Variants in RBFOX1 observed in about 807,000 individuals in gnomAD.
The protein encoded by RBFOX1 is RNA binding protein fox-1 homolog 1.
RBFOX1 carries 8 observed loss-of-function variants against 57.7 expected under a neutral mutation model. The ratio of observed to expected loss-of-function variants is 0.14; its 90% CI spans 0.08 to 0.25. RBFOX1 has a LOEUF of 0.25. RBFOX1 is among the 10% of genes least tolerant of loss of function. The pLI is 1.00. For missense variants in RBFOX1, 611 were observed against 548.5 expected (o/e 1.11, Z -1.14); for synonymous variants, 326 against 222.4 (o/e 1.47, Z -4.15).
chr16:7,659,451 A>C (rs2067141483), intron 12 of RBFOX1, among the ~76,000 whole-genome samples: 1 of 152,218 alleles, frequency 6.6e-6, no homozygotes, highest in Admixed American at 6.5e-5. Flanking sequence ...TACTAGGAAC[A>C]AAAGTCATCA....
intron 2 of RBFOX1, among the ~76,000 whole-genome samples, chr16:6,450,831 A>ACATG (rs1567303735): frequency 6.4e-4 from 22 of 34,472 alleles, no homozygotes; most frequent in South Asian, 1.6e-3. Context: ...ATATATATAT[A>ACATG]TATATGTGTA....
chr16:5,673,905 C>G (rs2050089336), intron 3 of RBFOX1, among the ~76,000 whole-genome samples: 1 of 152,224 alleles, frequency 6.6e-6, no homozygotes, highest in African/African-American at 2.4e-5. Context: ...TTCTCTTCTG[C>G]ATCAAGGCTG....
intron 3 of RBFOX1, among the ~76,000 whole-genome samples, chr16:6,895,428 GTGTGTGTGTGTGTGTGTGTGTATA>G (rs2066538771): frequency 1.6e-5 from 1 of 62,598 alleles, no homozygotes; most frequent in Non-Finnish European, 3.6e-5. Context: ...ATGTGTGTGT[GTGTGTGTGTGTGTGTGTGTGTATA>G]TATATATATA....
At chr16:7,084,847 C>T (rs904640926) in intron 4 of RBFOX1, among the ~76,000 whole-genome samples, 1 of 152,058 alleles carries the variant, frequency 6.6e-6, no homozygotes, top group Non-Finnish European at 1.5e-5. Context: ...GTCTGTCTGT[C>T]TGTCTTTCTG....
chr16:6,940,877 G>GTGTGTT (rs1567987785), intron 3 of RBFOX1, among the ~76,000 whole-genome samples: 2 of 142,050 alleles, frequency 1.4e-5, no homozygotes. Context: ...GTGTGTGTGT[G>GTGTGTT]TGTGTGTGTG....
chr16:7,430,063 C>A (rs544297397), intron 4 of RBFOX1, among the ~76,000 whole-genome samples: 3 of 152,182 alleles, frequency 2.0e-5, no homozygotes, highest in Admixed American at 6.5e-5. Flanking sequence ...AGAGTACATG[C>A]TCAAAACAAA....
At chr16:7,053,283 T>C (rs1026916372) in intron 4 of RBFOX1, among the ~76,000 whole-genome samples, 2 of 152,212 alleles carry the variant, frequency 1.3e-5, no homozygotes, top group Admixed American at 6.5e-5. Context: ...TATCTCAGTA[T>C]GGCCCTCTCT....
chr16:5,312,628 T>C (rs1459901214), intron 1 of RBFOX1, among the ~76,000 whole-genome samples: 1 of 152,178 alleles, frequency 6.6e-6, no homozygotes, highest in African/African-American at 2.4e-5. Context: ...TGTCTTAAAT[T>C]ATAGATGATA....
Position 6,569,904 on chromosome 16 carries a change from G to A in RBFOX1, c.-63-84699G>A, listed in dbSNP as rs565636580. 8.5e-4 allele frequency among the ~76,000 whole-genome samples: 129 copies of A among 152,240 alleles called. 1 individual carries two copies. Among genetic ancestry groups the A allele is most frequent in the Non-Finnish European group, 1.7e-3 (114 of 68,008 alleles). Reference sequence around the variant, plus strand: ...TCAATTTTAATCCCCTAATGTGTTTGCTATAAGTACTGTACAATTCACTTG... The same window carrying A: ...TCAATTTTAATCCCCTAATGTGTTTACTATAAGTACTGTACAATTCACTTG... On this transcript the variant is annotated intron_variant, in intron 2 of 15. Transcript: ENST00000550418.
At chr16:7,276,999 CT>C (rs2095452815) in intron 4 of RBFOX1, among the ~76,000 whole-genome samples, 1 of 152,142 alleles carries the variant, frequency 6.6e-6, no homozygotes. Flanking sequence ...GATGGTATAA[CT>C]TTGCGTCTTT....
At chr16:7,560,139 C>G (rs1413232233) in intron 5 of RBFOX1, among the ~76,000 whole-genome samples, 1 of 152,210 alleles carries the variant, frequency 6.6e-6, no homozygotes, top group Non-Finnish European at 1.5e-5. Flanking sequence ...TGGAGAAAGA[C>G]CAGTGCGATT....
At chr16:6,834,402 A>T (rs530126522) in intron 3 of RBFOX1, among the ~76,000 whole-genome samples, 40 of 152,162 alleles carry the variant, frequency 2.6e-4, no homozygotes, top group Middle Eastern at 3.4e-3. Flanking sequence ...TTTTAATAAG[A>T]TCTCTTGGGC....
intron 3 of RBFOX1, among the ~76,000 whole-genome samples, chr16:6,739,487 C>G (rs981191752): frequency 2.9e-4 from 38 of 130,998 alleles, no homozygotes; most frequent in African/African-American, 1.0e-3. Flanking sequence ...CCCCTCCCCC[C>G]ACCCCAAGGG....
chr16:7,396,199 C>G (rs991360338), intron 4 of RBFOX1, among the ~76,000 whole-genome samples: 3 of 152,094 alleles, frequency 2.0e-5, no homozygotes, highest in African/African-American at 4.8e-5. Context: ...GTTAGCAACC[C>G]TCTGCTGTGT....
chr16:5,307,795 C>A (rs117503676), intron 1 of RBFOX1, among the ~76,000 whole-genome samples: 2,214 of 152,206 alleles, frequency 0.015, 29 homozygotes, highest in Middle Eastern at 0.041. Flanking sequence ...CACCTCAGCC[C>A]CCTGAGTAGC....
At chr16:5,962,438 C>T (rs112857048) in intron 4 of RBFOX1, among the ~76,000 whole-genome samples, 4 of 152,154 alleles carry the variant, frequency 2.6e-5, no homozygotes, top group Non-Finnish European at 5.9e-5. Flanking sequence ...CCATTTTCTG[C>T]TAAAAAATGC....
intron 1 of RBFOX1, among the ~76,000 whole-genome samples, chr16:6,263,872 T>C (rs72776470): frequency 0.014 from 2,110 of 152,292 alleles, 21 homozygotes; most frequent in Non-Finnish European, 0.023. Flanking sequence ...ACCAAAAGTG[T>C]TGGTAGCAGT....
intron 4 of RBFOX1, among the ~76,000 whole-genome samples, chr16:5,870,542 T>C (rs567851790): frequency 6.6e-6 from 1 of 152,176 alleles, no homozygotes; most frequent in South Asian, 2.1e-4. Flanking sequence ...GAAACACTTT[T>C]GATCAAAAAT....
Position 6,550,115 on chromosome 16 carries a change from T to G in RBFOX1, c.-63-104488T>G, listed in dbSNP as rs143010031. On this transcript the variant is annotated intron_variant, in intron 2 of 15. Coordinates refer to ENST00000550418, the MANE Select transcript of RBFOX1 (RefSeq NM_018723.4). ...CCAGCTGAAACATTTTTCTCTTCGC[T>G]CTGTTTGGAGTCCCTCTCCCTCCCC... Among the ~76,000 whole-genome samples, 148 of 152,226 alleles carry G rather than the reference T, an allele frequency of 9.7e-4. 1 individual carries two copies. The highest frequency in any genetic ancestry group is 6.9e-3 in the Middle Eastern group (2 of 290).
Sources: gnomAD v4.1 joint callset for allele counts (sites outside exome capture counted in the v4.1 genomes callset) on GRCh38, gnomAD v4.1.1 for gene constraint, MANE v1.5 for transcripts, NCBI Gene and HGNC (gene_info 2026-07-23, HGNC 2026-07-21) for gene names.